The following RIGI variants were observed in gnomAD, a reference collection of about 807,000 sequenced individuals.
RIGI encodes the protein RNA sensor RIG-I.
chr9:32,526,140 C>A, the RIGI span: 3 of 1,613,480 alleles, frequency 1.9e-6, no homozygotes, highest in South Asian at 2.2e-5. Flanking sequence ...GGAAGGCTTG[C>A]AGGCTGCGTC....
the RIGI span, among the ~76,000 whole-genome samples, chr9:32,512,492 G>A: frequency 1.3e-5 from 2 of 152,128 alleles, no homozygotes; most frequent in Non-Finnish European, 2.9e-5. Context: ...AATAGATGCA[G>A]AAAACGCCGT....
chr9:32,509,193 G>A, the RIGI span, among the ~76,000 whole-genome samples: 1 of 152,196 alleles, frequency 6.6e-6, no homozygotes, highest in Non-Finnish European at 1.5e-5. Flanking sequence ...CTTAAATGTT[G>A]CTGCCTGCTG....
the RIGI span, among the ~76,000 whole-genome samples, chr9:32,507,714 T>C: frequency 2.0e-5 from 3 of 151,930 alleles, no homozygotes; most frequent in Admixed American, 1.3e-4. Flanking sequence ...AGCATGATCA[T>C]AGCTCACCAT....
At chr9:32,506,121 G>A in the RIGI span, among the ~76,000 whole-genome samples, 1 of 152,172 alleles carries the variant, frequency 6.6e-6, no homozygotes, top group African/African-American at 2.4e-5. Context: ...AGGAGGCTGA[G>A]GTAGGAAAAT....
At chr9:32,483,939 T>C in the RIGI span, among the ~76,000 whole-genome samples, 1 of 152,122 alleles carries the variant, frequency 6.6e-6, no homozygotes, top group African/African-American at 2.4e-5. Context: ...AATTTTGGTC[T>C]TACCATCAGA....
the RIGI span, among the ~76,000 whole-genome samples, chr9:32,489,683 AT>A: frequency 2.0e-5 from 3 of 151,992 alleles, no homozygotes; most frequent in Non-Finnish European, 4.4e-5. Context: ...AACATGAATT[AT>A]TTTTTATACA....
At chr9:32,488,782 A>G in the RIGI span, 13 of 1,613,132 alleles carry the variant, frequency 8.1e-6, no homozygotes, top group South Asian at 1.2e-4. Flanking sequence ...CTGTTCATAC[A>G]CTGGGATCTG....
the RIGI span, chr9:32,457,493 AAAAAG>A: frequency 4.7e-5 from 54 of 1,160,712 alleles, no homozygotes; most frequent in Non-Finnish European, 6.3e-5. Context: ...TAAAAAAAAA[AAAAAG>A]AAAACCCCAC....
the RIGI span, chr9:32,498,288 C>A: frequency 2.2e-6 from 1 of 456,656 alleles, no homozygotes; most frequent in Non-Finnish European, 4.4e-6. Flanking sequence ...GAACATGGGT[C>A]CCATAGAAAG....
chr9:32,512,255 G>C, the RIGI span, among the ~76,000 whole-genome samples: 1 of 152,088 alleles, frequency 6.6e-6, no homozygotes, highest in African/African-American at 2.4e-5. Flanking sequence ...ACCTGGCAGA[G>C]GCAAAACCAA....
At chr9:32,487,109 A>C in the RIGI span, among the ~76,000 whole-genome samples, 2 of 152,242 alleles carry the variant, frequency 1.3e-5, no homozygotes, top group African/African-American at 4.8e-5. Context: ...ATACATATTC[A>C]AACAGTGATG....
chr9:32,503,630 G>T, the RIGI span, among the ~76,000 whole-genome samples: 8 of 152,160 alleles, frequency 5.3e-5, no homozygotes, highest in Admixed American at 2.0e-4. Context: ...GTGATCATCA[G>T]CACAGTACCT....
the RIGI span, among the ~76,000 whole-genome samples, chr9:32,465,601 G>A: frequency 1.3e-5 from 2 of 152,100 alleles, no homozygotes; most frequent in Non-Finnish European, 2.9e-5. Flanking sequence ...TACATGAGGA[G>A]ATTGATTATT....
At chr9:32,476,957 T>C in the RIGI span, 13 of 1,593,064 alleles carry the variant, frequency 8.2e-6, no homozygotes, top group Non-Finnish European at 1.1e-5. Context: ...GTCCATTTGT[T>C]ATCTACAAGG....
chr9:32,479,836 C>CAAA, the RIGI span, among the ~76,000 whole-genome samples: 3 of 111,654 alleles, frequency 2.7e-5, no homozygotes, highest in Admixed American at 9.7e-5. Flanking sequence ...GACTCCATCT[C>CAAA]AAAAAAAAAA....
chr9:32,480,061 T>C, the RIGI span, among the ~76,000 whole-genome samples: 37 of 152,292 alleles, frequency 2.4e-4, no homozygotes, highest in Admixed American at 1.4e-3. Flanking sequence ...CTAGATTTCA[T>C]TGAAGCTAAA....
chr9:32,489,849 T>C, the RIGI span, among the ~76,000 whole-genome samples: 1 of 152,218 alleles, frequency 6.6e-6, no homozygotes, highest in Non-Finnish European at 1.5e-5. Context: ...CTCAAAGCAA[T>C]TTCTTATTAA....
At chr9:32,523,838 A>G in the RIGI span, among the ~76,000 whole-genome samples, 5 of 151,300 alleles carry the variant, frequency 3.3e-5, no homozygotes, top group Non-Finnish European at 7.4e-5. Context: ...AAAGTCCAAA[A>G]CTGTTCATAT....
At chr9:32,501,477 C>A in the RIGI span, among the ~76,000 whole-genome samples, 5 of 152,038 alleles carry the variant, frequency 3.3e-5, no homozygotes, top group Admixed American at 3.3e-4. Flanking sequence ...TGCACTCCAG[C>A]CTGGACAACA....
Sources: gnomAD v4.1 joint callset for allele counts (sites outside exome capture counted in the v4.1 genomes callset) on GRCh38, gnomAD v4.1.1 for gene constraint, MANE v1.5 for transcripts, NCBI Gene and HGNC (gene_info 2026-07-23, HGNC 2026-07-21) for gene names.